Variants in CAMK2D observed in about 807,000 individuals in gnomAD.
CAMK2D encodes the protein calcium/calmodulin-dependent protein kinase type II subunit delta.
Under a neutral mutation model 84.0 loss-of-function variants are expected in CAMK2D, and 37 were observed. The observed-to-expected ratio is 0.44, with a 90% CI of 0.34 to 0.58. The LOEUF is 0.58. CAMK2D is among the 20% of genes least tolerant of loss of function. The pLI is 0.02. For synonymous variants in CAMK2D, 202 were observed against 212.5 expected, an observed-to-expected ratio of 0.95 and a Z score of 0.43; for missense variants, 448 against 652.5, an observed-to-expected ratio of 0.69 and a Z score of 3.41.
At chr4:113,677,605 C>A (rs2099323940) in intron 2 of CAMK2D, 1 of 918,624 alleles carries the variant, frequency 1.1e-6, no homozygotes, top group Non-Finnish European at 1.3e-6. Flanking sequence ...CGATGCAATA[C>A]CATCTAAATA....
At chr4:113,519,740 G>T (rs897363742) in intron 8 of CAMK2D, among the ~76,000 whole-genome samples, 5 of 152,142 alleles carry the variant, frequency 3.3e-5, no homozygotes, top group African/African-American at 1.2e-4. Flanking sequence ...AAATTTTATT[G>T]TAGATAACAT....
chr4:113,518,489 T>C (rs1234550975), intron 8 of CAMK2D, among the ~76,000 whole-genome samples: 1 of 152,232 alleles, frequency 6.6e-6, no homozygotes, highest in Non-Finnish European at 1.5e-5. Context: ...GAGATTGTTT[T>C]GATACAGTGG....
At chr4:113,662,500 C>T (rs1353271392) in intron 2 of CAMK2D, among the ~76,000 whole-genome samples, 2 of 152,008 alleles carry the variant, frequency 1.3e-5, no homozygotes, top group African/African-American at 4.8e-5. Context: ...AGAGAGAAGA[C>T]AAAAATATGG....
chr4:113,634,980 A>C (rs967248025), intron 3 of CAMK2D, among the ~76,000 whole-genome samples: 15 of 152,306 alleles, frequency 9.8e-5, no homozygotes, highest in African/African-American at 2.9e-4. Flanking sequence ...TCAACCCTGA[A>C]ATATCAGAGC....
intron 2 of CAMK2D, among the ~76,000 whole-genome samples, chr4:113,758,113 CT>C (rs1239684499): frequency 6.6e-6 from 1 of 152,096 alleles, no homozygotes; most frequent in Non-Finnish European, 1.5e-5. Context: ...TTAGCAATTC[CT>C]TTTCATTGTT....
intron 2 of CAMK2D, among the ~76,000 whole-genome samples, chr4:113,718,136 G>A (rs756275582): frequency 2.0e-5 from 3 of 152,244 alleles, no homozygotes; most frequent in Middle Eastern, 3.4e-3. Flanking sequence ...TTGCAATAGA[G>A]AGTTTAATTC....
intron 4 of CAMK2D, among the ~76,000 whole-genome samples, chr4:113,586,320 C>A (rs2098834043): frequency 6.6e-6 from 1 of 152,122 alleles, no homozygotes; most frequent in Admixed American, 6.6e-5. Context: ...ATAAATGTGC[C>A]TGGCAATAAA....
intron 3 of CAMK2D, among the ~76,000 whole-genome samples, chr4:113,616,043 C>A (rs1406663229): frequency 2.0e-5 from 3 of 152,008 alleles, no homozygotes; most frequent in Non-Finnish European, 4.4e-5. Context: ...AAATTAATTT[C>A]TATATCAGAA....
At chr4:113,680,810 G>A (rs1222288577) in intron 2 of CAMK2D, among the ~76,000 whole-genome samples, 1 of 152,164 alleles carries the variant, frequency 6.6e-6, no homozygotes, top group Non-Finnish European at 1.5e-5. Flanking sequence ...TCCTGTGCAA[G>A]GACTAGACAC....
chr4:113,583,772 T>C (rs2098821741), intron 4 of CAMK2D, among the ~76,000 whole-genome samples: 1 of 152,212 alleles, frequency 6.6e-6, no homozygotes, highest in Non-Finnish European at 1.5e-5. Flanking sequence ...TTCTTTCATA[T>C]TACACACACA....
chr4:113,612,949 T>C lies in CAMK2D; in HGVS notation c.221-3743A>G, dbSNP rs561732496. ...GGATCGCTGCTTTCTCTTCCTGTTC[T>C]GTGTTCTTGCATTATTCCATTGCAG... On this transcript the variant is annotated intron_variant, in intron 3 of 20. Transcript: ENST00000511664. Among the ~76,000 whole-genome samples, 14 of 152,312 alleles carry C rather than the reference T, an allele frequency of 9.2e-5. No homozygotes were observed. The South Asian group carries it at 2.5e-3, about 27-fold the overall frequency.
intron 16 of CAMK2D, among the ~76,000 whole-genome samples, chr4:113,489,949 A>G (rs2097810179): frequency 6.6e-6 from 1 of 150,826 alleles, no homozygotes; most frequent in Middle Eastern, 3.4e-3. Flanking sequence ...TCTTTTGAGA[A>G]GTGTCTGTTC....
chr4:113,504,504 A>G (rs1335159708), intron 14 of CAMK2D, among the ~76,000 whole-genome samples: 1 of 152,248 alleles, frequency 6.6e-6, no homozygotes, highest in Middle Eastern at 3.2e-3. Flanking sequence ...TTGTGTTTTA[A>G]TAAGAGGGAA....
chr4:113,563,420 T>G (rs912548808), intron 4 of CAMK2D, among the ~76,000 whole-genome samples: 1 of 152,200 alleles, frequency 6.6e-6, no homozygotes, highest in Non-Finnish European at 1.5e-5. Context: ...ATTGAGAGCT[T>G]TCTTTCACTT....
At chr4:113,685,937 G>T (rs529498323) in intron 2 of CAMK2D, among the ~76,000 whole-genome samples, 21 of 152,174 alleles carry the variant, frequency 1.4e-4, no homozygotes, top group African/African-American at 5.1e-4. Flanking sequence ...GGTGGCGCAT[G>T]CCTGTAATCC....
chr4:113,761,139 G>A lies in CAMK2D; in HGVS notation c.-71C>T, dbSNP rs1452758222. The stretch of plus-strand genomic sequence containing the variant: ...GCGAGCAGACGCGCGGCTAACCCCG[G>A]GACTGGCCCCGCGGCGCTGTCACCC... On this transcript the variant is annotated 5_prime_UTR_variant, in exon 1 of 21. Coordinates refer to ENST00000511664, the MANE Select transcript of CAMK2D (RefSeq NM_001321571.2). The A allele has an allele frequency of 1.2e-6, 2 of 1,608,590 alleles. No homozygotes were observed. Among genetic ancestry groups the A allele is most frequent in the Non-Finnish European group, 1.7e-6 (2 of 1,179,384 alleles).
At chr4:113,667,763 G>A (rs2099263280) in intron 2 of CAMK2D, among the ~76,000 whole-genome samples, 1 of 152,098 alleles carries the variant, frequency 6.6e-6, no homozygotes, top group Non-Finnish European at 1.5e-5. Context: ...ACTATGCTAT[G>A]TCATTGTGTC....
intron 2 of CAMK2D, among the ~76,000 whole-genome samples, chr4:113,758,774 C>G (rs1348425334): frequency 2.6e-5 from 4 of 152,090 alleles, no homozygotes; most frequent in Non-Finnish European, 5.9e-5. Flanking sequence ...ATGCGAAGAC[C>G]AAGGTCTGAG....
intron 2 of CAMK2D, among the ~76,000 whole-genome samples, chr4:113,679,212 T>C (rs113368698): frequency 2.6e-4 from 39 of 152,194 alleles, no homozygotes; most frequent in African/African-American, 8.9e-4. Context: ...ATATGAAAGG[T>C]TGTTAATGCT....
Sources: gnomAD v4.1 joint callset for allele counts (sites outside exome capture counted in the v4.1 genomes callset) on GRCh38, gnomAD v4.1.1 for gene constraint, MANE v1.5 for transcripts, NCBI Gene and HGNC (gene_info 2026-07-23, HGNC 2026-07-21) for gene names.